ARK2C: variants seen among roughly 807,000 people sequenced by gnomAD.
ARK2C encodes the protein arkadia (RNF111) C-terminal like ring finger ubiquitin ligase 2C.
At chr18:46,429,560 T>C in the ARK2C span, among the ~76,000 whole-genome samples, 1 of 152,228 alleles carries the variant, frequency 6.6e-6, no homozygotes, top group Non-Finnish European at 1.5e-5. Flanking sequence ...ATTTGTTTTA[T>C]TGTTAATATA....
chr18:46,370,463 G>T, the ARK2C span, among the ~76,000 whole-genome samples: 3 of 152,224 alleles, frequency 2.0e-5, no homozygotes, highest in Middle Eastern at 3.4e-3. Context: ...GGGTTTAGGG[G>T]GACCCTGCTC....
chr18:46,446,670 CAAAAAAAAAAAAA>C, the ARK2C span, among the ~76,000 whole-genome samples: 9 of 34,396 alleles, frequency 2.6e-4, no homozygotes, highest in African/African-American at 9.7e-4. Context: ...GACTCCATCT[CAAAAAAAAAAAAA>C]AAAAAAAAAA....
At chr18:46,452,064 C>CT in the ARK2C span, among the ~76,000 whole-genome samples, 1 of 152,056 alleles carries the variant, frequency 6.6e-6, no homozygotes, top group Non-Finnish European at 1.5e-5. Context: ...GTATCATACT[C>CT]TAACGGTGGA....
the ARK2C span, among the ~76,000 whole-genome samples, chr18:46,427,036 T>G: frequency 6.6e-6 from 1 of 152,210 alleles, no homozygotes; most frequent in Non-Finnish European, 1.5e-5. Flanking sequence ...TGCCTGGTAC[T>G]GTTACAGACC....
chr18:46,404,787 T>C, the ARK2C span, among the ~76,000 whole-genome samples: 253 of 150,048 alleles, frequency 1.7e-3, 1 homozygote, highest in Middle Eastern at 0.014. Flanking sequence ...CACACACACA[T>C]ACACACACAC....
chr18:46,392,150 G>GCA, the ARK2C span, among the ~76,000 whole-genome samples: 1 of 151,666 alleles, frequency 6.6e-6, no homozygotes, highest in African/African-American at 2.4e-5. Flanking sequence ...AAACACACAT[G>GCA]CACACCACAC....
At chr18:46,433,109 C>T in the ARK2C span, 9 of 1,086,272 alleles carry the variant, frequency 8.3e-6, no homozygotes, top group Non-Finnish European at 1.2e-5. Context: ...CAGCCCCAGG[C>T]TGCCCCGGGT....
At chr18:46,394,317 T>C in the ARK2C span, among the ~76,000 whole-genome samples, 21,836 of 152,174 alleles carry the variant, frequency 0.14, 1,647 homozygotes, top group East Asian at 0.27. Context: ...TCACTGGTCA[T>C]ATCCTTTGCC....
the ARK2C span, chr18:46,435,509 G>A: frequency 1.5e-4 from 124 of 821,054 alleles, 1 homozygote; most frequent in Admixed American, 5.8e-4. Context: ...AGGAGGCCTA[G>A]TTCTCAGGCC....
chr18:46,383,176 G>A, the ARK2C span, among the ~76,000 whole-genome samples: 1 of 152,242 alleles, frequency 6.6e-6, no homozygotes. Context: ...CTTCCAAAAA[G>A]GGAGATGCCG....
chr18:46,356,082 C>T, the ARK2C span, among the ~76,000 whole-genome samples: 1 of 152,246 alleles, frequency 6.6e-6, no homozygotes, highest in African/African-American at 2.4e-5. Flanking sequence ...AAATCTCCAC[C>T]TTTCTTCCCT....
At chr18:46,364,460 G>T in the ARK2C span, among the ~76,000 whole-genome samples, 4 of 151,292 alleles carry the variant, frequency 2.6e-5, no homozygotes, top group East Asian at 7.7e-4. Context: ...TAACTGGAAA[G>T]GGACACATTT....
At chr18:46,433,162 T>C in the ARK2C span, 2 of 1,524,112 alleles carry the variant, frequency 1.3e-6, no homozygotes, top group Admixed American at 3.9e-5. Flanking sequence ...CTGGTCGTCA[T>C]GGAGATGTCT....
At chr18:46,365,104 T>C in the ARK2C span, among the ~76,000 whole-genome samples, 1 of 152,204 alleles carries the variant, frequency 6.6e-6, no homozygotes, top group South Asian at 2.1e-4. Context: ...ATTCCCTGCG[T>C]CTCTGCCATG....
the ARK2C span, among the ~76,000 whole-genome samples, chr18:46,428,780 T>C: frequency 6.6e-6 from 1 of 152,220 alleles, no homozygotes; most frequent in Non-Finnish European, 1.5e-5. Flanking sequence ...CAGAAACATA[T>C]ATTATTAAAA....
At chr18:46,440,830 T>A in the ARK2C span, among the ~76,000 whole-genome samples, 3 of 152,148 alleles carry the variant, frequency 2.0e-5, no homozygotes, top group African/African-American at 7.2e-5. Context: ...AATTTTTACA[T>A]CTTTGTTCAT....
At chr18:46,420,158 A>G in the ARK2C span, among the ~76,000 whole-genome samples, 2 of 152,082 alleles carry the variant, frequency 1.3e-5, no homozygotes, top group Admixed American at 1.3e-4. Context: ...CTGAAATCCC[A>G]CCATTAGAAC....
the ARK2C span, chr18:46,433,434 C>G: frequency 6.2e-7 from 1 of 1,613,428 alleles, no homozygotes; most frequent in Non-Finnish European, 8.5e-7. Flanking sequence ...TACCTCAGGC[C>G]CTGCACCAGC....
chr18:46,336,024 A>G, the ARK2C span: 2 of 985,132 alleles, frequency 2.0e-6, no homozygotes, highest in African/African-American at 1.7e-5. Context: ...AGTATCCCCT[A>G]TCTCAGGCCA....
Sources: gnomAD v4.1 joint callset for allele counts (sites outside exome capture counted in the v4.1 genomes callset) on GRCh38, gnomAD v4.1.1 for gene constraint, MANE v1.5 for transcripts, NCBI Gene and HGNC (gene_info 2026-07-23, HGNC 2026-07-21) for gene names.